The following PTPRD variants were observed in gnomAD, a reference collection of about 807,000 sequenced individuals.
PTPRD encodes protein tyrosine phosphatase receptor type D.
In PTPRD, 34 loss-of-function variants were observed where a neutral mutation model predicts 214.5. The ratio of observed to expected loss-of-function variants is 0.16; its 90% confidence interval spans 0.12 to 0.21. PTPRD has a LOEUF of 0.21. PTPRD is among the 10% of genes least tolerant of loss of function. The pLI is 1.00. For synonymous variants in PTPRD, 1,128 were observed against 845.7 expected (o/e 1.33, Z -5.79); for missense variants, 2,545 against 2,398.7 (o/e 1.06, Z -1.27).
At chr9:9,716,825 CT>C (rs1290347503) in intron 7 of PTPRD, among the ~76,000 whole-genome samples, 1 of 151,670 alleles carries the variant, frequency 6.6e-6, no homozygotes, top group Non-Finnish European at 1.5e-5. Flanking sequence ...ATGGTAGTTT[CT>C]TTTGCTGTGC....
At chr9:9,049,977 G>T (rs987703391) in intron 10 of PTPRD, among the ~76,000 whole-genome samples, 1 of 152,170 alleles carries the variant, frequency 6.6e-6, no homozygotes, top group Non-Finnish European at 1.5e-5. Flanking sequence ...AGCAAGGTGT[G>T]GTGTGAGTCT....
At chr9:9,720,972 A>C (rs2097925842) in intron 7 of PTPRD, among the ~76,000 whole-genome samples, 1 of 152,076 alleles carries the variant, frequency 6.6e-6, no homozygotes, top group African/African-American at 2.4e-5. Flanking sequence ...AACACACTGG[A>C]GACTATTTGA....
chr9:8,975,738 A>G (rs2099264355), intron 11 of PTPRD, among the ~76,000 whole-genome samples: 1 of 151,612 alleles, frequency 6.6e-6, no homozygotes, highest in African/African-American at 2.4e-5. Flanking sequence ...TAAATCTCAC[A>G]TATTTCCTGC....
chr9:9,763,351 A>G (rs2098677411), intron 6 of PTPRD, among the ~76,000 whole-genome samples: 1 of 152,168 alleles, frequency 6.6e-6, no homozygotes, highest in African/African-American at 2.4e-5. Context: ...CACATCAAAT[A>G]CATGACTGAG....
chr9:8,501,714 G>T (rs2097413332), intron 23 of PTPRD, among the ~76,000 whole-genome samples: 1 of 152,138 alleles, frequency 6.6e-6, no homozygotes, highest in African/African-American at 2.4e-5. Context: ...CATATACAGT[G>T]AGCATGCAGA....
At chr9:8,475,213 C>T (rs1325735724) in intron 30 of PTPRD, among the ~76,000 whole-genome samples, 5 of 152,162 alleles carry the variant, frequency 3.3e-5, no homozygotes, top group Non-Finnish European at 4.4e-5. Context: ...TCAGTGATCT[C>T]CAGGGCATTA....
chr9:10,133,524 C>T (rs1415193213), intron 3 of PTPRD, among the ~76,000 whole-genome samples: 1 of 150,814 alleles, frequency 6.6e-6, no homozygotes, highest in Admixed American at 6.7e-5. Flanking sequence ...TGTGTACGTG[C>T]ACAAATAACA....
intron 8 of PTPRD, among the ~76,000 whole-genome samples, chr9:9,541,366 A>C (rs543007952): frequency 6.6e-6 from 1 of 151,810 alleles, no homozygotes; most frequent in African/African-American, 2.4e-5. Flanking sequence ...CACCATGTGA[A>C]TATAGCAGTC....
chr9:10,547,855 A>G (rs1046379567), intron 2 of PTPRD, among the ~76,000 whole-genome samples: 6 of 152,138 alleles, frequency 3.9e-5, no homozygotes, highest in Admixed American at 6.6e-5. Context: ...TCTTGGTGCT[A>G]TATGAGGAAT....
intron 4 of PTPRD, among the ~76,000 whole-genome samples, chr9:9,962,356 GTTAA>G (rs1414252355): frequency 2.6e-5 from 4 of 152,074 alleles, no homozygotes; most frequent in African/African-American, 9.7e-5. Context: ...AAAGGCAGTA[GTTAA>G]TTAAAGAATT....
chr9:10,073,522 G>A (rs2098074200), intron 3 of PTPRD, among the ~76,000 whole-genome samples: 1 of 152,044 alleles, frequency 6.6e-6, no homozygotes, highest in Non-Finnish European at 1.5e-5. Flanking sequence ...ATAAATCCCA[G>A]TAAGCATGCA....
chr9:10,578,767 T>C (rs912911592), intron 2 of PTPRD, among the ~76,000 whole-genome samples: 1 of 152,186 alleles, frequency 6.6e-6, no homozygotes, highest in Non-Finnish European at 1.5e-5. Context: ...GGGGTACATG[T>C]GCAGATTTGT....
At chr9:10,092,908 A>G (rs544700233) in intron 3 of PTPRD, among the ~76,000 whole-genome samples, 2 of 151,622 alleles carry the variant, frequency 1.3e-5, no homozygotes, top group South Asian at 2.1e-4. Context: ...TATACAGACG[A>G]ATGAAACTGG....
chr9:9,095,572 C>T (rs890621251), intron 10 of PTPRD, among the ~76,000 whole-genome samples: 1 of 152,162 alleles, frequency 6.6e-6, no homozygotes, highest in East Asian at 1.9e-4. Context: ...TCAAGTAATC[C>T]TCCTGCCTCA....
At chr9:8,326,238 C>A (rs542088280) in intron 44 of PTPRD, among the ~76,000 whole-genome samples, 1 of 152,114 alleles carries the variant, frequency 6.6e-6, no homozygotes, top group African/African-American at 2.4e-5. Flanking sequence ...TTTTGAGATA[C>A]GTTCCATCAG....
At chr9:10,566,929 T>A (rs1033599874) in intron 2 of PTPRD, among the ~76,000 whole-genome samples, 24 of 152,118 alleles carry the variant, frequency 1.6e-4, no homozygotes, top group African/African-American at 5.8e-4. Flanking sequence ...TCTTTTCATT[T>A]TCACATGACT....
At chr9:8,735,598 C>G (rs558162112) in intron 11 of PTPRD, among the ~76,000 whole-genome samples, 2 of 152,088 alleles carry the variant, frequency 1.3e-5, no homozygotes, top group African/African-American at 4.8e-5. Flanking sequence ...TTAGGAAAAC[C>G]AGAAGATGAA....
intron 11 of PTPRD, among the ~76,000 whole-genome samples, chr9:8,807,671 T>A (rs2096715130): frequency 6.6e-6 from 1 of 151,914 alleles, no homozygotes. Flanking sequence ...ATCTTAATCA[T>A]CACCCTTTTA....
chr9:10,552,476 T>G (rs1034537500), intron 2 of PTPRD, among the ~76,000 whole-genome samples: 2 of 152,168 alleles, frequency 1.3e-5, no homozygotes, highest in Non-Finnish European at 2.9e-5. Context: ...TCTGTCTTTT[T>G]TTTCTACATG....
Sources: allele counts gnomAD v4.1 joint callset (sites outside exome capture counted in the v4.1 genomes callset), GRCh38; gene constraint gnomAD v4.1.1; transcripts MANE v1.5; gene names NCBI Gene and HGNC (gene_info 2026-07-23, HGNC 2026-07-21).